SUSD4: variants seen among roughly 807,000 people sequenced by gnomAD.
The protein encoded by SUSD4 is sushi domain containing 4.
Under a neutral mutation model 50.5 loss-of-function variants are expected in SUSD4, and 41 were observed. The ratio of observed to expected loss-of-function variants is 0.81; its 90% CI spans 0.63 to 1.05. The LOEUF is 1.05. Among genes scored for constraint, SUSD4 ranks in the 50% least tolerant of loss-of-function variants. SUSD4 has a pLI of 0.00. For missense variants in SUSD4, 580 were observed against 634.7 expected (o/e 0.91, Z 0.93); for synonymous variants, 257 against 257.3 (o/e 1.00, Z 0.01).
At chr1:223,259,796 T>C (rs1183791904) in intron 5 of SUSD4, among the ~76,000 whole-genome samples, 5 of 152,134 alleles carry the variant, frequency 3.3e-5, no homozygotes, top group East Asian at 3.9e-4. Flanking sequence ...ATGTGCTACA[T>C]GGTTGGTTCA....
In SUSD4 at chr1:223,324,880, G is replaced by T. The variant is rs146623728; in HGVS notation, c.149-32229C>A. 4.2e-4 allele frequency among the ~76,000 whole-genome samples: 64 copies of T among 152,086 alleles called. No homozygotes were observed. The East Asian group carries it at 7.9e-3, about 19-fold the overall frequency. ...TGCATCTGCTGTTCTCACTAGCAGGGTCTTTATTTGTAAACACGTACTCAC... is the reference window on the plus strand; with the variant it reads ...TGCATCTGCTGTTCTCACTAGCAGGTTCTTTATTTGTAAACACGTACTCAC... On this transcript the variant is annotated intron_variant, in intron 2 of 8. Transcript: ENST00000366878.
chr1:223,341,878 C>G (rs1400255884), intron 2 of SUSD4, among the ~76,000 whole-genome samples: 1 of 151,906 alleles, frequency 6.6e-6, no homozygotes, highest in East Asian at 1.9e-4. Context: ...CTCCTGCTTG[C>G]CTATCACCAC....
chr1:223,305,244 C>G (rs1177365899), intron 2 of SUSD4, among the ~76,000 whole-genome samples: 1 of 152,072 alleles, frequency 6.6e-6, no homozygotes, highest in Non-Finnish European at 1.5e-5. Flanking sequence ...CAGCCAGCTC[C>G]TGAGGGAAGC....
Position 223,268,456 on chromosome 1 carries a change from C to T in SUSD4, c.535+46G>A, listed in dbSNP as rs374276303. On this transcript the variant is annotated intron_variant, in intron 4 of 8. Coordinates refer to ENST00000366878, the MANE Select transcript of SUSD4 (RefSeq NM_017982.4). ...CATGTACACAGTCTACAATAAAGTC[C>T]GAGAGAATAATAGCCCAGCTGAGAA... 2.4e-5 allele frequency: 38 copies of T among 1,574,854 alleles called. No homozygotes were observed. In the South Asian group the frequency reaches 3.9e-4, roughly 16 times the overall value.
intron 2 of SUSD4, among the ~76,000 whole-genome samples, chr1:223,303,319 T>C (rs1665309288): frequency 1.3e-5 from 2 of 152,196 alleles, no homozygotes; most frequent in South Asian, 2.1e-4. Context: ...AAAATAGATA[T>C]GAAGAAAGAA....
intron 2 of SUSD4, among the ~76,000 whole-genome samples, chr1:223,316,214 G>A (rs767330754): frequency 6.6e-6 from 1 of 152,108 alleles, no homozygotes; most frequent in Non-Finnish European, 1.5e-5. Context: ...AAAAGGTAGG[G>A]GCATGGGGAT....
intron 2 of SUSD4, among the ~76,000 whole-genome samples, chr1:223,317,179 A>G (rs1380035977): frequency 1.3e-5 from 2 of 152,206 alleles, no homozygotes; most frequent in Admixed American, 6.5e-5. Flanking sequence ...GTGGCAGTAA[A>G]GAAGCCAGCT....
chr1:223,354,446 G>A (rs1355449692), intron 2 of SUSD4, among the ~76,000 whole-genome samples: 1 of 152,022 alleles, frequency 6.6e-6, no homozygotes, highest in Non-Finnish European at 1.5e-5. Flanking sequence ...GAAAAATCTG[G>A]GCAAGCCTTT....
intron 2 of SUSD4, among the ~76,000 whole-genome samples, chr1:223,349,767 T>C (rs923061895): frequency 1.3e-5 from 2 of 152,198 alleles, no homozygotes; most frequent in African/African-American, 4.8e-5. Context: ...AGCCTTCCCA[T>C]ATTTCCCCTA....
chr1:223,352,115 A>G (rs1668403512), intron 2 of SUSD4, among the ~76,000 whole-genome samples: 1 of 152,200 alleles, frequency 6.6e-6, no homozygotes, highest in South Asian at 2.1e-4. Flanking sequence ...GAGAAACAGC[A>G]ATTTTAATAG....
At chr1:223,243,812 C>T (rs750430502) in intron 5 of SUSD4, among the ~76,000 whole-genome samples, 9 of 152,210 alleles carry the variant, frequency 5.9e-5, no homozygotes, top group Non-Finnish European at 1.2e-4. Flanking sequence ...TCGTCTCTTC[C>T]TGCTTTGCGT....
rs576522062 is a variant in SUSD4, at chr1:223,230,087, G to A, written c.725-699C>T. Among the ~76,000 whole-genome samples the A allele has an allele frequency of 7.2e-5, 11 of 152,308 alleles. No homozygotes were observed. The South Asian group carries it at 8.3e-4, about 11-fold the overall frequency. On this transcript the variant is annotated intron_variant, in intron 5 of 8. Transcript: ENST00000366878. Reference sequence around the variant, plus strand: ...GAAGCTTATTCTACCCTAGGAGGACGCCTTAGGGTTCTGACTCGAATATCC... The same window carrying A: ...GAAGCTTATTCTACCCTAGGAGGACACCTTAGGGTTCTGACTCGAATATCC...
chr1:223,252,491 A>G (rs982502698), intron 5 of SUSD4, among the ~76,000 whole-genome samples: 2 of 151,954 alleles, frequency 1.3e-5, no homozygotes, highest in Non-Finnish European at 2.9e-5. Flanking sequence ...TGTCAAGCAG[A>G]ATGGTAGGCA....
intron 3 of SUSD4, among the ~76,000 whole-genome samples, chr1:223,279,509 A>C (rs930274706): frequency 1.3e-5 from 2 of 152,224 alleles, no homozygotes; most frequent in African/African-American, 4.8e-5. Context: ...AAGTGAGAAG[A>C]GAAGTTTAGA....
At chr1:223,345,228 C>T (rs1667965434) in intron 2 of SUSD4, among the ~76,000 whole-genome samples, 1 of 152,068 alleles carries the variant, frequency 6.6e-6, no homozygotes, top group Non-Finnish European at 1.5e-5. Flanking sequence ...CTCATGGATC[C>T]CCCCAACCCC....
At chr1:223,310,965 T>C (rs926786387) in intron 2 of SUSD4, among the ~76,000 whole-genome samples, 1 of 152,158 alleles carries the variant, frequency 6.6e-6, no homozygotes, top group African/African-American at 2.4e-5. Flanking sequence ...CTAAATCATC[T>C]CCCTGCCTGA....
intron 3 of SUSD4, among the ~76,000 whole-genome samples, chr1:223,278,043 G>A (rs867497729): frequency 1.3e-5 from 2 of 152,092 alleles, no homozygotes; most frequent in Non-Finnish European, 2.9e-5. Context: ...CCTAAGTTCT[G>A]ATGCAGGTAG....
At chr1:223,282,618 T>C (rs1041899782) in intron 3 of SUSD4, among the ~76,000 whole-genome samples, 5 of 152,256 alleles carry the variant, frequency 3.3e-5, no homozygotes, top group Non-Finnish European at 7.3e-5. Flanking sequence ...GAACATTCTA[T>C]GCTCATGGGT....
intron 2 of SUSD4, among the ~76,000 whole-genome samples, chr1:223,341,478 G>C (rs1211949448): frequency 5.8e-5 from 7 of 121,302 alleles, no homozygotes; most frequent in African/African-American, 2.2e-4. Flanking sequence ...GTCCTCCCCA[G>C]ATCCACCTTC....
Sources: allele counts gnomAD v4.1 joint callset (sites outside exome capture counted in the v4.1 genomes callset), GRCh38; gene constraint gnomAD v4.1.1; transcripts MANE v1.5; gene names NCBI Gene and HGNC (gene_info 2026-07-23, HGNC 2026-07-21).